Variants in CNTN4 observed in about 807,000 individuals in gnomAD.
CNTN4 encodes contactin-4.
A neutral mutation model predicts 122.5 loss-of-function variants in CNTN4; 77 were observed. That is an observed-to-expected ratio of 0.63 (90% CI 0.52 to 0.76). The LOEUF (loss-of-function observed/expected upper bound fraction) is 0.76, where lower values mean the gene tolerates loss of function less well. CNTN4 is among the 30% of genes least tolerant of loss of function. The probability of loss-of-function intolerance (pLI) is 0.00; values close to 1 mark genes in which losing one functional copy is unlikely to be tolerated. For synonymous variants in CNTN4, 512 were observed against 447.0 expected, an observed-to-expected ratio of 1.15 and a Z score of -1.83; for missense variants, 1,256 against 1,259.1, an observed-to-expected ratio of 1.00 and a Z score of 0.04.
At chr3:3,004,221 C>T (rs1696368947) in intron 14 of CNTN4, among the ~76,000 whole-genome samples, 1 of 152,064 alleles carries the variant, frequency 6.6e-6, no homozygotes, top group South Asian at 2.1e-4. Context: ...CTGTGATCTC[C>T]AGATGTCCTA....
chr3:2,711,505 A>C lies in CNTN4; in HGVS notation c.56-24710A>C, dbSNP rs181877819. On this transcript the variant is annotated intron_variant, in intron 4 of 24. Coordinates refer to ENST00000418658, the MANE Select transcript of CNTN4 (RefSeq NM_175607.3). ...AGATATGATATATTCCAAATTCCCT[A>C]CTTTTCTGAAGGAAGAAGGAGGGAA... 4.2e-4 allele frequency among the ~76,000 whole-genome samples: 64 copies of C among 152,176 alleles called. 1 individual carries two copies. Among genetic ancestry groups the C allele is most frequent in the Non-Finnish European group, 7.6e-4 (52 of 68,040 alleles).
At chr3:2,451,703 T>C (rs1355216476) in intron 3 of CNTN4, among the ~76,000 whole-genome samples, 1 of 152,048 alleles carries the variant, frequency 6.6e-6, no homozygotes, top group Non-Finnish European at 1.5e-5. Context: ...ATTTCTTGAG[T>C]TTTTTGCGCT....
At chr3:2,463,611 C>T (rs1350027307) in intron 3 of CNTN4, among the ~76,000 whole-genome samples, 3 of 151,894 alleles carry the variant, frequency 2.0e-5, no homozygotes, top group Admixed American at 1.3e-4. Context: ...ATACAAAAAT[C>T]AGCTGGGTGT....
chr3:2,877,739 C>A (rs1045195608), intron 8 of CNTN4, among the ~76,000 whole-genome samples: 2 of 152,154 alleles, frequency 1.3e-5, no homozygotes, highest in Admixed American at 1.3e-4. Flanking sequence ...TTCTGTAAAT[C>A]ACTAGAGCAG....
chr3:2,970,907 C>G (rs1051272188), intron 13 of CNTN4, among the ~76,000 whole-genome samples: 65 of 152,138 alleles, frequency 4.3e-4, no homozygotes, highest in African/African-American at 1.5e-3. Flanking sequence ...CCTGACTCAG[C>G]CCCCCGAGTA....
At chr3:2,943,277 C>T in intron 13 of CNTN4, among the ~76,000 whole-genome samples, 1 of 152,112 alleles carries the variant, frequency 6.6e-6, no homozygotes, top group East Asian at 1.9e-4. Flanking sequence ...ATGTATTTTT[C>T]CACAGGCTGT....
At chr3:2,163,619 A>T (rs1010933738) in intron 2 of CNTN4, among the ~76,000 whole-genome samples, 2 of 152,178 alleles carry the variant, frequency 1.3e-5, no homozygotes, top group Non-Finnish European at 2.9e-5. Flanking sequence ...AAGGACTAAA[A>T]TATCGAGAAT....
intron 4 of CNTN4, among the ~76,000 whole-genome samples, chr3:2,652,640 G>A (rs2083413566): frequency 6.6e-6 from 1 of 152,038 alleles, no homozygotes; most frequent in African/African-American, 2.4e-5. Flanking sequence ...CTCAGCAGGG[G>A]CCCAGAGCAC....
chr3:2,544,410 T>C (rs1260346426), intron 3 of CNTN4, among the ~76,000 whole-genome samples: 2 of 152,120 alleles, frequency 1.3e-5, no homozygotes, highest in African/African-American at 2.4e-5. Flanking sequence ...TATTGCCCAG[T>C]CATCAAGAAA....
intron 2 of CNTN4, among the ~76,000 whole-genome samples, chr3:2,169,637 T>TCCGCCG (rs2036371226): frequency 6.6e-6 from 1 of 151,838 alleles, no homozygotes; most frequent in African/African-American, 2.4e-5. Context: ...GACCTCGTGA[T>TCCGCCG]CCACCCGCCT....
intron 6 of CNTN4, among the ~76,000 whole-genome samples, chr3:2,805,655 C>T (rs185599687): frequency 5.9e-5 from 9 of 152,032 alleles, no homozygotes; most frequent in Non-Finnish European, 8.8e-5. Flanking sequence ...CACTGACCTG[C>T]ATTGAAAACA....
intron 3 of CNTN4, among the ~76,000 whole-genome samples, chr3:2,409,493 C>G (rs183949297): frequency 3.3e-5 from 5 of 152,154 alleles, no homozygotes; most frequent in Admixed American, 1.3e-4. Context: ...GTGATCTGCA[C>G]GCCTCAGCCT....
chr3:2,801,630 G>A (rs1050526969), intron 6 of CNTN4, among the ~76,000 whole-genome samples: 3 of 151,540 alleles, frequency 2.0e-5, no homozygotes, highest in African/African-American at 7.3e-5. Context: ...CTTCAATCCA[G>A]TATAGCATTG....
At chr3:2,348,063 A>T (rs2044471197) in intron 3 of CNTN4, among the ~76,000 whole-genome samples, 1 of 152,046 alleles carries the variant, frequency 6.6e-6, no homozygotes, top group Admixed American at 6.6e-5. Flanking sequence ...GTTTGAGCCC[A>T]CCTTAGTGAA....
chr3:2,202,653 A>G (rs889228125), intron 2 of CNTN4, among the ~76,000 whole-genome samples: 2 of 152,262 alleles, frequency 1.3e-5, no homozygotes, highest in East Asian at 1.9e-4. Context: ...TTTGCAGACT[A>G]TAGAAATTTA....
At chr3:3,019,100 C>G (rs571182752) in intron 14 of CNTN4, among the ~76,000 whole-genome samples, 1 of 151,956 alleles carries the variant, frequency 6.6e-6, no homozygotes, top group African/African-American at 2.4e-5. Flanking sequence ...AACACTCTTC[C>G]TTAGAGTAGA....
intron 3 of CNTN4, among the ~76,000 whole-genome samples, chr3:2,343,991 T>C (rs993450126): frequency 4.6e-5 from 7 of 152,016 alleles, no homozygotes; most frequent in Non-Finnish European, 7.4e-5. Flanking sequence ...CGAATCTCTT[T>C]TAAAAACAAA....
chr3:2,934,767 C>G (rs1315593235), intron 13 of CNTN4, among the ~76,000 whole-genome samples: 2 of 152,232 alleles, frequency 1.3e-5, no homozygotes, highest in Admixed American at 1.3e-4. Context: ...GGCAGTTCAT[C>G]TCCATAATAA....
intron 3 of CNTN4, among the ~76,000 whole-genome samples, chr3:2,396,970 T>C (rs2150935090): frequency 6.6e-6 from 1 of 152,310 alleles, no homozygotes; most frequent in South Asian, 2.1e-4. Flanking sequence ...GATATTTTTG[T>C]GTGTGACGAG....
Sources: gnomAD v4.1 joint callset for allele counts (sites outside exome capture counted in the v4.1 genomes callset) on GRCh38, gnomAD v4.1.1 for gene constraint, MANE v1.5 for transcripts, NCBI Gene and HGNC (gene_info 2026-07-23, HGNC 2026-07-21) for gene names.